RBFOX1: variants seen among roughly 807,000 people sequenced by gnomAD.
RBFOX1 encodes RNA binding fox-1 homolog 1.
A neutral mutation model predicts 57.7 loss-of-function variants in RBFOX1; 8 were observed. The observed-to-expected ratio is 0.14, with a 90% confidence interval of 0.08 to 0.25. The LOEUF is 0.25. Ranked by LOEUF, RBFOX1 falls within the 10% of genes least tolerant of loss-of-function variation. RBFOX1 has a pLI of 1.00. For missense variants in RBFOX1, 611 were observed against 548.5 expected (o/e 1.11, Z -1.14); for synonymous variants, 326 against 222.4 (o/e 1.47, Z -4.15).
intron 2 of RBFOX1, among the ~76,000 whole-genome samples, chr16:6,535,860 A>T (rs1453093971): frequency 6.6e-6 from 1 of 152,196 alleles, no homozygotes; most frequent in African/African-American, 2.4e-5. Flanking sequence ...CAATAGTGGC[A>T]ATGTAGATTT....
At chr16:5,490,318 G>C (rs969673668) in intron 2 of RBFOX1, among the ~76,000 whole-genome samples, 2 of 152,188 alleles carry the variant, frequency 1.3e-5, no homozygotes, top group Admixed American at 1.3e-4. Context: ...CCCACGATGT[G>C]GGTGGTATCA....
At chr16:7,702,950 T>A (rs927748036) in intron 14 of RBFOX1, among the ~76,000 whole-genome samples, 1 of 152,214 alleles carries the variant, frequency 6.6e-6, no homozygotes, top group African/African-American at 2.4e-5. Context: ...GCAGGTTACC[T>A]TCTGATGTCC....
chr16:5,983,688 TC>T (rs1013529320), intron 4 of RBFOX1, among the ~76,000 whole-genome samples: 3 of 152,092 alleles, frequency 2.0e-5, no homozygotes, highest in African/African-American at 7.2e-5. Flanking sequence ...GCTTGGGGCT[TC>T]CCCACACCCA....
In RBFOX1 at chr16:7,523,224, T is replaced by C. The variant is rs142835947; in HGVS notation, c.270+4835T>C. Among the ~76,000 whole-genome samples the C allele has an allele frequency of 1.9e-3, 283 of 152,348 alleles. 2 individuals are homozygous for C. Among genetic ancestry groups the C allele is most frequent in the Middle Eastern group, 6.8e-3 (2 of 294 alleles). On this transcript the variant is annotated intron_variant, in intron 5 of 15. Transcript: ENST00000550418. ...CTGCATGGATATGCCACAGTTTATT[T>C]CTCCATTTACCTACACATGGGCATT... is the stretch of plus-strand genomic sequence containing the variant.
chr16:7,177,344 A>G (rs906791202), intron 4 of RBFOX1, among the ~76,000 whole-genome samples: 8 of 152,214 alleles, frequency 5.3e-5, no homozygotes, highest in African/African-American at 1.7e-4. Flanking sequence ...GATGCAAGGA[A>G]CAAGTAGAGT....
intron 1 of RBFOX1, among the ~76,000 whole-genome samples, chr16:5,460,651 G>A (rs905371072): frequency 6.6e-6 from 1 of 152,234 alleles, no homozygotes; most frequent in Non-Finnish European, 1.5e-5. Context: ...GGTGAGGAAT[G>A]TTCTGTAGGC....
chr16:6,959,461 T>A (rs1476327203), intron 3 of RBFOX1, among the ~76,000 whole-genome samples: 1 of 152,192 alleles, frequency 6.6e-6, no homozygotes, highest in Non-Finnish European at 1.5e-5. Context: ...AATAAAATCT[T>A]GTTTCTAGGC....
chr16:7,407,253 C>A (rs1161947582), intron 4 of RBFOX1, among the ~76,000 whole-genome samples: 1 of 152,036 alleles, frequency 6.6e-6, no homozygotes, highest in African/African-American at 2.4e-5. Context: ...AGGACATGAG[C>A]ATGTTTGGGA....
At chr16:6,681,659 G>T (rs2058669833) in intron 3 of RBFOX1, among the ~76,000 whole-genome samples, 1 of 116,556 alleles carries the variant, frequency 8.6e-6, no homozygotes, top group South Asian at 3.6e-4. Context: ...CTCCACAATG[G>T]TCATTTAACC....
intron 1 of RBFOX1, among the ~76,000 whole-genome samples, chr16:6,142,852 A>T (rs2096729316): frequency 6.6e-6 from 1 of 151,994 alleles, no homozygotes; most frequent in Non-Finnish European, 1.5e-5. Context: ...GTCATTCAAG[A>T]CTCAACTCAT....
intron 4 of RBFOX1, among the ~76,000 whole-genome samples, chr16:7,071,474 T>A (rs767769639): frequency 1.3e-5 from 2 of 152,082 alleles, no homozygotes; most frequent in African/African-American, 4.8e-5. Flanking sequence ...ATACATATTA[T>A]ATTTTATGTA....
intron 5 of RBFOX1, among the ~76,000 whole-genome samples, chr16:7,540,185 ACT>A (rs2082551028): frequency 6.6e-6 from 1 of 151,942 alleles, no homozygotes. Context: ...TTTATAGTGT[ACT>A]CCCAAGCTTG....
chr16:6,692,188 A>G (rs1379523066), intron 3 of RBFOX1, among the ~76,000 whole-genome samples: 2 of 152,212 alleles, frequency 1.3e-5, no homozygotes, highest in Non-Finnish European at 2.9e-5. Flanking sequence ...AACTATAAAG[A>G]TTACTTTGTT....
chr16:6,600,520 T>G (rs2097840779), intron 2 of RBFOX1, among the ~76,000 whole-genome samples: 1 of 152,234 alleles, frequency 6.6e-6, no homozygotes, highest in Admixed American at 6.5e-5. Flanking sequence ...AGCTGATAAC[T>G]GCTCTGGCCA....
rs930505772 is a variant in RBFOX1, at chr16:6,097,235, A to C, written c.-127+77243A>C. Among the ~76,000 whole-genome samples the C allele has an allele frequency of 6.6e-6, 1 of 152,192 alleles. No individual in the cohort carries two copies. Among genetic ancestry groups the C allele is most frequent in the African/African-American group, 2.4e-5 (1 of 41,454 alleles). On this transcript the variant is annotated intron_variant, in intron 1 of 15. Coordinates refer to ENST00000550418, the MANE Select transcript of RBFOX1 (RefSeq NM_018723.4). This position sits in a 1 kb window ranked among gnomAD's most constrained non-coding sequence, Gnocchi z 5.0. ...CGTAGCCATGTGGAACTGTGAGTCC[A>C]TTAAACTTCTTTTTGTTTATAAATT... is the stretch of plus-strand genomic sequence containing the variant.
At chr16:6,173,604 C>T (rs1335081067) in intron 1 of RBFOX1, among the ~76,000 whole-genome samples, 5 of 70,946 alleles carry the variant, frequency 7.0e-5, no homozygotes, top group African/African-American at 5.9e-5. Context: ...TGACCACTCC[C>T]TTTTTTTTTT....
chr16:6,767,008 C>A (rs774293855), intron 3 of RBFOX1, among the ~76,000 whole-genome samples: 1 of 152,108 alleles, frequency 6.6e-6, no homozygotes, highest in Non-Finnish European at 1.5e-5. Context: ...AATTCCAGGT[C>A]ATTTCTGGTC....
At chr16:6,627,101 C>A (rs1240663611) in intron 2 of RBFOX1, among the ~76,000 whole-genome samples, 1 of 152,196 alleles carries the variant, frequency 6.6e-6, no homozygotes, top group African/African-American at 2.4e-5. Flanking sequence ...GGCCGCTGAA[C>A]ACAAAGTCCT....
In RBFOX1 at chr16:6,895,434, GTGTGTGTGTGTGTGTATATATATA is replaced by G. The variant is rs1406359759; in HGVS notation, c.-15-156621_-15-156598del. Among the ~76,000 whole-genome samples, 53 of 91,664 alleles carry G rather than the reference GTGTGTGTGTGTGTGTATATATATA, an allele frequency of 5.8e-4. 2 individuals carry two copies. Among genetic ancestry groups the G allele is most frequent in the African/African-American group, 1.9e-3 (50 of 25,718 alleles). 60.1% of individuals were successfully genotyped at this position (91,664 alleles called of 152,430 possible). ...TAGTAATATATGTGTGTGTGTGTGT[GTGTGTGTGTGTGTGTATATATATA>G]TATATATATATATATATATATATAT... On this transcript the variant is annotated intron_variant, in intron 3 of 15. Transcript: ENST00000550418.
Sources: gnomAD v4.1 joint callset for allele counts (sites outside exome capture counted in the v4.1 genomes callset) on GRCh38, gnomAD v4.1.1 for gene constraint, Gnocchi (gnomAD v3.1) non-coding constraint, MANE v1.5 for transcripts, NCBI Gene and HGNC (gene_info 2026-07-23, HGNC 2026-07-21) for gene names.